Variants in MARF1 observed in about 807,000 individuals in gnomAD.
MARF1 encodes meiosis regulator and mRNA stability factor 1.
Under a neutral mutation model 168.2 loss-of-function variants are expected in MARF1, and 24 were observed. That is an observed-to-expected ratio of 0.14 (90% CI 0.10 to 0.20). The LOEUF (loss-of-function observed/expected upper bound fraction) is 0.20. MARF1 is among the 10% of genes least tolerant of loss of function. The probability of loss-of-function intolerance (pLI) is 1.00; values close to 1 mark genes in which losing one functional copy is unlikely to be tolerated. For synonymous variants in MARF1, 868 were observed against 822.4 expected, an observed-to-expected ratio of 1.06 and a Z score of -0.95; for missense variants, 1,744 against 2,143.6, an observed-to-expected ratio of 0.81 and a Z score of 3.68.
At chr16:15,624,509 A>G (rs2034696059) in intron 10 of MARF1, among the ~76,000 whole-genome samples, 1 of 152,142 alleles carries the variant, frequency 6.6e-6, no homozygotes, top group Admixed American at 6.5e-5. Flanking sequence ...GCCCCCCTGC[A>G]CTGGCCAGGG....
Position 15,595,267 on chromosome 16 carries a change from T to C in MARF1, c.*1426A>G, listed in dbSNP as rs1029250770. 6.6e-6 allele frequency: 1 copy of C among 152,574 alleles called. No individual in the cohort carries two copies. Among genetic ancestry groups the C allele is most frequent in the Non-Finnish European group, 1.5e-5 (1 of 68,026 alleles). 9.5% of individuals were successfully genotyped at this position (152,574 alleles called of 1,614,324 possible). A position where few individuals can be genotyped will look rare whatever the true frequency, so the allele number is the denominator to read the frequency against. ...GATTTGGGGAACAAAAAATCTGACT[T>C]GTAAAAATCTCTCTATAGCCCTTAT... On this transcript the variant is annotated 3_prime_UTR_variant, in exon 27 of 27. Transcript: ENST00000396368.
intron 2 of MARF1, among the ~76,000 whole-genome samples, chr16:15,637,343 G>A (rs1011255361): frequency 1.3e-5 from 2 of 152,158 alleles, no homozygotes; most frequent in East Asian, 1.9e-4. Flanking sequence ...CGTGCTCACC[G>A]TTCACAGCAT....
rs778360959 is a variant in MARF1 at position 15,635,810 on chromosome 16, C to A, written c.677G>T (p.Cys226Phe). The A allele has an allele frequency of 5.6e-6, 9 of 1,614,058 alleles. No homozygotes were observed. Among genetic ancestry groups the A allele is most frequent in the Non-Finnish European group, 1.7e-6 (2 of 1,180,048 alleles). The change falls in exon 3 of 27, where the codon TGT becomes TTT. Residue 226 changes from cysteine to phenylalanine, a missense_variant. Cys to Phe is a radical substitution (Grantham distance 205). Around this residue, in one of 7 missense-constraint regions of MARF1, gnomAD observed 318 missense variants for 336.6 expected, o/e 0.94. Coordinates refer to ENST00000396368, the MANE Select transcript of MARF1 (RefSeq NM_014647.4). ...TGGAGCCCCGCTTGTGAAATCAGAACAGGGGAAATAGCCAGCGGAGGTGCA... is the reference window on the plus strand; with the variant it reads ...TGGAGCCCCGCTTGTGAAATCAGAAAAGGGGAAATAGCCAGCGGAGGTGCA... Reference protein sequence around the residue: ...QGCTSAGYFPCSDFTSGAPGH... With the variant: ...QGCTSAGYFPFSDFTSGAPGH...
At chr16:15,628,395 C>T (rs542745091) in intron 7 of MARF1, among the ~76,000 whole-genome samples, 182 of 151,792 alleles carry the variant, frequency 1.2e-3, no homozygotes, top group Middle Eastern at 0.01. Context: ...TCATACCATA[C>T]TATTCTTTTC....
chr16:15,641,379 T>A (rs1012618711), intron 1 of MARF1, among the ~76,000 whole-genome samples: 1 of 152,210 alleles, frequency 6.6e-6, no homozygotes, highest in African/African-American at 2.4e-5. Flanking sequence ...ACAGGTTTTA[T>A]GTCCCCCAAA....
At chr16:15,601,875 T>TGTTTGAAAGG in intron 23 of MARF1, 116 bp downstream of exon 23, 1 of 826,242 alleles carries the variant, frequency 1.2e-6, no homozygotes, top group Non-Finnish European at 2.1e-6. Flanking sequence ...TTTGAAAGGA[T>TGTTTGAAAGG]CAATTCAAAA....
chr16:15,614,810 G>T (rs2151138354), intron 16 of MARF1, among the ~76,000 whole-genome samples: 1 of 152,056 alleles, frequency 6.6e-6, no homozygotes, highest in African/African-American at 2.4e-5. Flanking sequence ...AAAAGACAGA[G>T]CTTCACTCTT....
chr16:15,631,063 G>C (rs933399030), intron 6 of MARF1, among the ~76,000 whole-genome samples: 3 of 152,136 alleles, frequency 2.0e-5, no homozygotes, highest in Admixed American at 1.3e-4. Context: ...CTGGGAGGCG[G>C]AGGTTGCAGT....
Position 15,643,020 on chromosome 16 carries a change from C to T in MARF1, c.-61G>A. ...CGCAGGACTGTCTGCAAACTCACCTCTGCCGCCGGCTCCACCTCCGCTCAC... is the reference window on the plus strand; with the variant it reads ...CGCAGGACTGTCTGCAAACTCACCTTTGCCGCCGGCTCCACCTCCGCTCAC... On this transcript the variant is annotated splice_region_variant and 5_prime_UTR_variant, in exon 1 of 27. Coordinates refer to ENST00000396368, the MANE Select transcript of MARF1 (RefSeq NM_014647.4). 3.5e-6 allele frequency: 1 copy of T among 285,182 alleles called. No homozygotes were observed. The highest frequency in any genetic ancestry group is 6.7e-6 in the Non-Finnish European group (1 of 148,194). The allele number at this position is 285,182 out of a possible 1,614,324, so 17.7% of individuals were successfully genotyped here. A position where few individuals can be genotyped will look rare whatever the true frequency, so the allele number is the denominator to read the frequency against.
chr16:15,612,532 CA>C (rs771213585), intron 17 of MARF1, 24 bp downstream of exon 17: 3 of 1,589,438 alleles, frequency 1.9e-6, no homozygotes, highest in South Asian at 2.2e-5. Context: ...TGCCTGTAAA[CA>C]AGTAATCCCG....
At chr16:15,621,944 G>A (rs377594882) in intron 11 of MARF1, 33 bp from the exon 12 acceptor site, 1 of 1,603,198 alleles carries the variant, frequency 6.2e-7, no homozygotes, top group Non-Finnish European at 8.5e-7. Context: ...TAAACGCTAT[G>A]TCCGCCCAGA....
rs1321674140 is a variant in MARF1, at chr16:15,596,248, G to C, written c.*445C>G. 6.5e-6 allele frequency: 1 copy of C among 153,126 alleles called. No homozygotes were observed. The highest frequency in any genetic ancestry group is 1.5e-5 in the Non-Finnish European group (1 of 68,448). The allele number at this position is 153,126 out of a possible 1,614,324, so 9.5% of individuals were successfully genotyped here. A position where few individuals can be genotyped will look rare whatever the true frequency, so the allele number is the denominator to read the frequency against. On this transcript the variant is annotated 3_prime_UTR_variant, in exon 27 of 27. Coordinates refer to ENST00000396368, the MANE Select transcript of MARF1 (RefSeq NM_014647.4). ...AGGCTTTGCTTCAAAGACATGCCAC[G>C]CACTGGGTTAATACTGTCGGAAACA...
chr16:15,611,165 T>C, intron 18 of MARF1, 57 bp from the exon 19 acceptor site: 1 of 1,574,600 alleles, frequency 6.4e-7, no homozygotes, highest in Non-Finnish European at 8.7e-7. Flanking sequence ...GTAGAAGAAC[T>C]ACAAGTTTTC....
rs1162428523 is a variant in MARF1, at chr16:15,600,524, C to G, written c.4717G>C (p.Ala1573Pro). Reference protein sequence around the residue: ...SRLSSLSLSPANHENQPSEGE... With the variant: ...SRLSSLSLSPPNHENQPSEGE... ...TCCGAGGGCTGGTTTTCATGATTGG[C>G]AGGGGAGAGACTGAGTGAACTCAAA... The change falls in exon 25 of 27, where the codon GCC (alanine) becomes CCC (proline). Residue 1573 changes from alanine (A) to proline (P), a missense_variant. By Grantham distance (27) the Ala-to-Pro change is conservative (BLOSUM62 -1). Around this residue, in one of 7 missense-constraint regions of MARF1, gnomAD observed 313 missense variants for 337.4 expected, o/e 0.93. Transcript: ENST00000396368. The G allele has an allele frequency of 1.2e-5, 20 of 1,614,078 alleles. No individual in the cohort carries two copies. The highest frequency in any genetic ancestry group is 1.7e-5 in the Non-Finnish European group (20 of 1,180,048).
At chr16:15,636,908 T>A (rs1219020560) in intron 2 of MARF1, among the ~76,000 whole-genome samples, 1 of 152,084 alleles carries the variant, frequency 6.6e-6, no homozygotes, top group African/African-American at 2.4e-5. Context: ...CCCTAAGATA[T>A]CATGACCTAA....
At chr16:15,607,811 T>C (rs2033144316) in intron 21 of MARF1, among the ~76,000 whole-genome samples, 1 of 152,166 alleles carries the variant, frequency 6.6e-6, no homozygotes, top group South Asian at 2.1e-4. Context: ...AGCTGCCCTC[T>C]CTACTACAGC....
At chr16:15,617,788 CTTT>C (rs2034177090) in intron 13 of MARF1, among the ~76,000 whole-genome samples, 1 of 152,160 alleles carries the variant, frequency 6.6e-6, no homozygotes, top group Non-Finnish European at 1.5e-5. Context: ...TGCCCAGTTT[CTTT>C]AAGTGACCTC....
rs1055586779 is a variant in MARF1, at chr16:15,596,463, A to G, written c.*230T>C. On this transcript the variant is annotated 3_prime_UTR_variant, in exon 27 of 27. Transcript: ENST00000396368. ...TATTAAGGATTCTTTAACAAATGCC[A>G]CAAGTTCTTCAAATAATTGAAAAAA... is the stretch of plus-strand genomic sequence containing the variant. 4 of 381,302 alleles carry G rather than the reference A, an allele frequency of 1.0e-5. No individual in the cohort carries two copies. Among genetic ancestry groups the G allele is most frequent in the Non-Finnish European group, 1.8e-5 (4 of 218,138 alleles). 23.6% of individuals were successfully genotyped at this position (381,302 alleles called of 1,614,324 possible).
chr16:15,600,176 G>C (rs2032268281), intron 25 of MARF1, among the ~76,000 whole-genome samples: 1 of 152,084 alleles, frequency 6.6e-6, no homozygotes, highest in Non-Finnish European at 1.5e-5. Flanking sequence ...TCTGAACTGG[G>C]GTAAGATGAT....
Sources: allele counts gnomAD v4.1 joint callset (sites outside exome capture counted in the v4.1 genomes callset), GRCh38; gene constraint gnomAD v4.1.1; regional missense constraint gnomAD v4.1.1; transcripts MANE v1.5; gene names NCBI Gene and HGNC (gene_info 2026-07-23, HGNC 2026-07-21).